Variants in GRIP1 observed in about 807,000 individuals in gnomAD.
GRIP1 encodes glutamate receptor interacting protein 1, also known as glutamate receptor-interacting protein 1.
A neutral mutation model predicts 129.9 loss-of-function variants in GRIP1; 45 were observed. The ratio of observed to expected loss-of-function variants is 0.35; its 90% CI spans 0.27 to 0.44. The LOEUF is 0.44. Ranked by LOEUF, GRIP1 falls within the 20% of genes least tolerant of loss-of-function variation. GRIP1 has a pLI of 1.00. For synonymous variants in GRIP1, 530 were observed against 520.8 expected, an observed-to-expected ratio of 1.02 and a Z score of -0.24; for missense variants, 1,196 against 1,396.8, an observed-to-expected ratio of 0.86 and a Z score of 2.29.
At chr12:66,746,789 G>A (rs2036960977) in intron 1 of GRIP1, among the ~76,000 whole-genome samples, 2 of 152,220 alleles carry the variant, frequency 1.3e-5, no homozygotes, top group East Asian at 1.9e-4. Context: ...TTCCCAGCAA[G>A]CATTGACATT....
At chr12:66,803,751 T>C (rs1489883101) in intron 1 of GRIP1, among the ~76,000 whole-genome samples, 3 of 152,208 alleles carry the variant, frequency 2.0e-5, no homozygotes, top group Non-Finnish European at 4.4e-5. Context: ...ACAGAGCATA[T>C]TCTGGCCACC....
chr12:66,893,298 G>A (rs1349921596), intron 1 of GRIP1, among the ~76,000 whole-genome samples: 4 of 139,190 alleles, frequency 2.9e-5, no homozygotes, highest in African/African-American at 1.4e-4. Flanking sequence ...CCCAGGCTGA[G>A]TACAGTGGTG....
chr12:66,432,353 T>C (rs2058173771), intron 14 of GRIP1, among the ~76,000 whole-genome samples, 195 bp downstream of exon 14: 1 of 152,284 alleles, frequency 6.6e-6, no homozygotes. Flanking sequence ...AAATATAAGA[T>C]TGGAGAGAGT....
chr12:67,021,499 C>T (rs2042866581), intron 1 of GRIP1, among the ~76,000 whole-genome samples: 1 of 152,046 alleles, frequency 6.6e-6, no homozygotes. Flanking sequence ...GGATATACTA[C>T]AATTTATTTT....
chr12:66,639,340 A>T (rs2031713099), intron 1 of GRIP1, among the ~76,000 whole-genome samples: 1 of 152,172 alleles, frequency 6.6e-6, no homozygotes, highest in Non-Finnish European at 1.5e-5. Context: ...TCAAAGGGTA[A>T]GCAGAAGTTA....
At chr12:66,353,037 G>A (rs996924497) in intron 24 of GRIP1, among the ~76,000 whole-genome samples, 1 of 152,192 alleles carries the variant, frequency 6.6e-6, no homozygotes, top group Non-Finnish European at 1.5e-5. Flanking sequence ...CTGGGGCCTT[G>A]TAGGTCATGT....
chr12:66,431,127 G>A (rs1416425449), intron 14 of GRIP1, among the ~76,000 whole-genome samples: 1 of 152,192 alleles, frequency 6.6e-6, no homozygotes, highest in African/African-American at 2.4e-5. Flanking sequence ...GCCATCTTGA[G>A]CCCTAAATAT....
At chr12:66,993,571 A>C (rs910650408) in intron 1 of GRIP1, among the ~76,000 whole-genome samples, 4 of 152,078 alleles carry the variant, frequency 2.6e-5, no homozygotes, top group Non-Finnish European at 5.9e-5. Flanking sequence ...TAGGTGGATC[A>C]CCTGATGTCA....
intron 1 of GRIP1, among the ~76,000 whole-genome samples, chr12:66,956,515 G>C (rs1240837346): frequency 1.3e-5 from 2 of 152,146 alleles, no homozygotes; most frequent in Non-Finnish European, 2.9e-5. Flanking sequence ...GAATCACTAA[G>C]TACACACTTA....
intron 1 of GRIP1, among the ~76,000 whole-genome samples, chr12:66,915,277 G>GA (rs2041101735): frequency 6.6e-6 from 1 of 152,152 alleles, no homozygotes; most frequent in Non-Finnish European, 1.5e-5. Flanking sequence ...TTTCTTTCTA[G>GA]AAAATGCCAA....
chr12:66,828,097 C>T (rs535988149), intron 1 of GRIP1, among the ~76,000 whole-genome samples: 5 of 152,260 alleles, frequency 3.3e-5, no homozygotes, highest in Admixed American at 6.5e-5. Context: ...ATACTAGTCC[C>T]AAGATGACAT....
chr12:66,486,564 G>T (rs1362767940), intron 7 of GRIP1, among the ~76,000 whole-genome samples: 1 of 152,098 alleles, frequency 6.6e-6, no homozygotes, highest in Non-Finnish European at 1.5e-5. Context: ...TTTATCAGGG[G>T]TTTCCGCTTT....
chr12:66,658,453 G>A (rs1391033003), intron 1 of GRIP1, among the ~76,000 whole-genome samples: 2 of 152,064 alleles, frequency 1.3e-5, no homozygotes, highest in African/African-American at 4.8e-5. Flanking sequence ...GATATGATAA[G>A]CAACCAACTT....
Position 66,513,327 on chromosome 12 carries a change from T to C in GRIP1, c.724+2292A>G, listed in dbSNP as rs139251368. Among the ~76,000 whole-genome samples, 231 of 152,282 alleles carry C rather than the reference T, an allele frequency of 1.5e-3. 2 individuals carry two copies. The highest frequency in any genetic ancestry group is 5.3e-3 in the African/African-American group (221 of 41,578). Reference sequence around the variant, plus strand: ...TTCCCTGCTTCCTTTTCTAACTTCATGTACATTTTAGAAACAGCTTATTCG... The same window carrying C: ...TTCCCTGCTTCCTTTTCTAACTTCACGTACATTTTAGAAACAGCTTATTCG... On this transcript the variant is annotated intron_variant, in intron 7 of 24. Transcript: ENST00000359742.
At chr12:66,559,286 C>T (rs1052688333) in intron 2 of GRIP1, among the ~76,000 whole-genome samples, 1 of 152,078 alleles carries the variant, frequency 6.6e-6, no homozygotes, top group African/African-American at 2.4e-5. Flanking sequence ...TAGAAAGATG[C>T]TCAGTGTCAC....
intron 11 of GRIP1, among the ~76,000 whole-genome samples, chr12:66,448,425 A>T (rs773916032): frequency 1.2e-4 from 18 of 152,198 alleles, no homozygotes; most frequent in Non-Finnish European, 2.1e-4. Context: ...GGCTTTCATT[A>T]TTTTTTATTT....
Position 66,347,922 on chromosome 12 carries a change from A to C in GRIP1, c.*1097T>G, listed in dbSNP as rs930755204. 2.0e-5 allele frequency: 3 copies of C among 152,200 alleles called. No individual in the cohort carries two copies. The highest frequency in any genetic ancestry group is 4.4e-5 in the Non-Finnish European group (3 of 68,042). 9.4% of individuals were successfully genotyped at this position (152,200 alleles called of 1,614,324 possible). ...CTATTTATTTTTTTATGTTCACCAA[A>C]TAATAACAGTTATTAGTGTAGCTAT... is the stretch of plus-strand genomic sequence containing the variant. On this transcript the variant is annotated 3_prime_UTR_variant, in exon 25 of 25. Transcript: ENST00000359742.
chr12:67,052,122 G>A (rs1592518811), intron 1 of GRIP1, among the ~76,000 whole-genome samples: 1 of 152,140 alleles, frequency 6.6e-6, no homozygotes. Context: ...GTCTGACACA[G>A]ATTAGCCTAG....
intron 1 of GRIP1, among the ~76,000 whole-genome samples, chr12:66,723,318 T>TC (rs1565988255): frequency 2.0e-5 from 2 of 97,716 alleles, no homozygotes; most frequent in African/African-American, 9.5e-5. Flanking sequence ...TTTTTTTTTT[T>TC]TTTTTTTTTT....
Sources: gnomAD v4.1 joint callset for allele counts (sites outside exome capture counted in the v4.1 genomes callset) on GRCh38, gnomAD v4.1.1 for gene constraint, MANE v1.5 for transcripts, NCBI Gene and HGNC (gene_info 2026-07-23, HGNC 2026-07-21) for gene names.